Variants in TUFT1 observed in about 807,000 individuals in gnomAD.
TUFT1 encodes tuftelin 1, also known as tuftelin.
Under a neutral mutation model 57.8 loss-of-function variants are expected in TUFT1, and 43 were observed. The observed-to-expected ratio is 0.74, with a 90% CI of 0.58 to 0.96. TUFT1 has a LOEUF of 0.96. Ranked by LOEUF, TUFT1 falls within the 40% of genes least tolerant of loss-of-function variation. The pLI is 0.00. For missense variants in TUFT1, 459 were observed against 489.0 expected, an observed-to-expected ratio of 0.94 and a Z score of 0.58; for synonymous variants, 166 against 176.7, an observed-to-expected ratio of 0.94 and a Z score of 0.48.
chr1:151,540,596 G>A, intron 1 of TUFT1, 170 bp downstream of exon 1: 1 of 706,414 alleles, frequency 1.4e-6, no homozygotes, highest in South Asian at 1.8e-5. Flanking sequence ...CGGGCAGTGG[G>A]AGTCGCGGGG....
chr1:151,572,040 A>G (rs1233354195), intron 7 of TUFT1, among the ~76,000 whole-genome samples: 2 of 152,006 alleles, frequency 1.3e-5, no homozygotes, highest in Non-Finnish European at 2.9e-5. Context: ...CATCTCTACA[A>G]AAATAAAAAA....
In TUFT1 at chr1:151,565,416, T is replaced by A. The variant is rs1214939299; in HGVS notation, c.415-747T>A. On this transcript the variant is annotated intron_variant, in intron 5 of 12. Transcript: ENST00000368849. ...CTCCAGCAGCAGCCCCTGCCTTCAT[T>A]CCCTTGAGGGGAACAGTGGCCCAGC... Among the ~76,000 whole-genome samples, 4 of 152,382 alleles carry A rather than the reference T, an allele frequency of 2.6e-5. No homozygotes were observed. The East Asian group carries it at 7.7e-4, about 29-fold the overall frequency.
intron 6 of TUFT1, among the ~76,000 whole-genome samples, chr1:151,568,735 A>G (rs1324702395): frequency 6.6e-6 from 1 of 152,216 alleles, no homozygotes; most frequent in Non-Finnish European, 1.5e-5. Flanking sequence ...TGGCAAATAC[A>G]TTGTTGGCAA....
At chr1:151,562,245 C>G (rs1665920476) in intron 2 of TUFT1, 80 bp downstream of exon 2, 2 of 1,278,296 alleles carry the variant, frequency 1.6e-6, no homozygotes, top group South Asian at 1.3e-5. Context: ...CAAGTACTGC[C>G]TGGAGCCGAC....
intron 3 of TUFT1, among the ~76,000 whole-genome samples, chr1:151,563,647 G>C (rs1396803330): frequency 6.6e-6 from 1 of 152,172 alleles, no homozygotes; most frequent in African/African-American, 2.4e-5. Context: ...ATGCATGACT[G>C]TATATATGTG....
At chr1:151,550,135 G>A (rs529610091) in intron 1 of TUFT1, among the ~76,000 whole-genome samples, 21 of 152,212 alleles carry the variant, frequency 1.4e-4, no homozygotes, top group South Asian at 1.2e-3. Flanking sequence ...AGGTTCAAGC[G>A]ATTCTCCTGC....
chr1:151,569,664 C>A lies in TUFT1; in HGVS notation c.488C>A (p.Thr163Asn). The A allele has an allele frequency of 6.2e-7, 1 of 1,613,622 alleles. No individual in the cohort carries two copies. The highest frequency in any genetic ancestry group is 8.5e-7 in the Non-Finnish European group (1 of 1,179,706). Residue 163 changes from threonine to asparagine, a missense_variant, in exon 7 of 13, where the codon ACC (threonine) becomes AAC (asparagine). Physicochemically the swap from Thr to Asn is moderately conservative, Grantham distance 65 (BLOSUM62 0). Transcript: ENST00000368849. ...ALYSSPPEVD[T>N]CINEDVESLR... Reference sequence around the variant, plus strand: ...TCCTTGTTCTGGCTGTAGGTGGACACCTGTATAAATGAGGATGTTGAGAGC... The same window carrying A: ...TCCTTGTTCTGGCTGTAGGTGGACAACTGTATAAATGAGGATGTTGAGAGC...
intron 9 of TUFT1, among the ~76,000 whole-genome samples, chr1:151,576,514 G>A (rs1225159218): frequency 6.6e-6 from 1 of 152,210 alleles, no homozygotes; most frequent in African/African-American, 2.4e-5. Context: ...TGGGGTCTAG[G>A]GTACCTACAC....
chr1:151,548,084 T>C (rs561670901), intron 1 of TUFT1, among the ~76,000 whole-genome samples: 1 of 152,298 alleles, frequency 6.6e-6, no homozygotes, highest in South Asian at 2.1e-4. Flanking sequence ...AAGGGCCATC[T>C]CTGGCCTAGG....
chr1:151,566,280 C>T (rs1666076271), intron 6 of TUFT1, 52 bp downstream of exon 6: 1 of 1,450,074 alleles, frequency 6.9e-7, no homozygotes. Context: ...GGCAGGATTG[C>T]CTCCTCCCCA....
In TUFT1 at chr1:151,555,505, A is replaced by C. The variant is rs561990589; in HGVS notation, c.61-6586A>C. Among the ~76,000 whole-genome samples, 9 of 149,358 alleles carry C rather than the reference A, an allele frequency of 6.0e-5. No homozygotes were observed. In the East Asian group the frequency reaches 1.6e-3, roughly 26 times the overall value. ...CAAAAAAGATAATTATAGGTCGGGCATGGTGGCTCACACCTGTAATCCAAG... is the reference window on the plus strand; with the variant it reads ...CAAAAAAGATAATTATAGGTCGGGCCTGGTGGCTCACACCTGTAATCCAAG... On this transcript the variant is annotated intron_variant, in intron 1 of 12. Transcript: ENST00000368849.
At position 151,573,782 on chromosome 1, in the gene TUFT1, C is replaced by T. The variant is rs563479697; in HGVS notation, c.595-488C>T. On this transcript the variant is annotated intron_variant, in intron 7 of 12. Coordinates refer to ENST00000368849, the MANE Select transcript of TUFT1 (RefSeq NM_020127.3). ...TAATAATAAATAAATAAGACAAATT[C>T]TTCCTGATGCTTAGTAGCCCTTCCA... Among the ~76,000 whole-genome samples, 240 of 152,262 alleles carry T rather than the reference C, an allele frequency of 1.6e-3. 1 individual carries two copies. The highest frequency in any genetic ancestry group is 0.014 in the Middle Eastern group (4 of 294).
chr1:151,547,738 G>T (rs1351553194), intron 1 of TUFT1, among the ~76,000 whole-genome samples: 1 of 152,176 alleles, frequency 6.6e-6, no homozygotes, highest in South Asian at 2.1e-4. Flanking sequence ...TTTGCTGGTC[G>T]CTAGGCAGGT....
chr1:151,560,276 TGTG>T (rs1304382237), intron 1 of TUFT1, among the ~76,000 whole-genome samples: 1 of 151,226 alleles, frequency 6.6e-6, no homozygotes, highest in Non-Finnish European at 1.5e-5. Flanking sequence ...ATTAGCCAGG[TGTG>T]GTGGCAGATG....
chr1:151,552,185 A>G (rs781493794), intron 1 of TUFT1, among the ~76,000 whole-genome samples: 3 of 152,198 alleles, frequency 2.0e-5, no homozygotes, highest in Admixed American at 6.5e-5. Flanking sequence ...ACAGTGCTTC[A>G]TTCTTTTTCA....
chr1:151,557,660 A>G (rs981071170), intron 1 of TUFT1: 2 of 949,950 alleles, frequency 2.1e-6, no homozygotes, highest in East Asian at 2.4e-5. Context: ...TACGTTACCA[A>G]TGAGGGCATC....
At chr1:151,550,800 C>T (rs1276318562) in intron 1 of TUFT1, among the ~76,000 whole-genome samples, 3 of 152,128 alleles carry the variant, frequency 2.0e-5, no homozygotes, top group African/African-American at 2.4e-5. Flanking sequence ...CGGTGGTGCA[C>T]GCCTGTAGTC....
At chr1:151,565,901 C>G in intron 5 of TUFT1, 2 of 385,274 alleles carry the variant, frequency 5.2e-6, no homozygotes, top group South Asian at 2.8e-5. Context: ...CATAACATCT[C>G]TCCACCCCCT....
At chr1:151,566,699 T>G (rs920393577) in intron 6 of TUFT1, among the ~76,000 whole-genome samples, 1 of 152,220 alleles carries the variant, frequency 6.6e-6, no homozygotes, top group Admixed American at 6.5e-5. Flanking sequence ...ATATGTTATA[T>G]ACACACCATA....
Sources: gnomAD v4.1 joint callset for allele counts (sites outside exome capture counted in the v4.1 genomes callset) on GRCh38, gnomAD v4.1.1 for gene constraint, MANE v1.5 for transcripts, NCBI Gene and HGNC (gene_info 2026-07-23, HGNC 2026-07-21) for gene names.